KCTD8: variants seen among roughly 807,000 people sequenced by gnomAD.
KCTD8 encodes the protein potassium channel tetramerization domain containing 8.
In KCTD8, 27 loss-of-function variants were observed where a neutral mutation model predicts 31.5. The observed-to-expected ratio is 0.86, with a 90% CI of 0.63 to 1.18. KCTD8 has a LOEUF of 1.18. Among genes scored for constraint, KCTD8 ranks in the 50% most tolerant of loss-of-function variants. The pLI, the probability that KCTD8 is intolerant of heterozygous loss-of-function variation, is 0.00. For missense variants in KCTD8, 658 were observed against 647.7 expected (o/e 1.02, Z -0.17); for synonymous variants, 290 against 280.0 (o/e 1.04, Z -0.36).
At chr4:44,406,277 A>G (rs1192072244) in intron 1 of KCTD8, among the ~76,000 whole-genome samples, 1 of 152,106 alleles carries the variant, frequency 6.6e-6, no homozygotes, top group Non-Finnish European at 1.5e-5. Flanking sequence ...CCAAAGCATA[A>G]TATCATACAT....
intron 1 of KCTD8, among the ~76,000 whole-genome samples, chr4:44,417,461 T>C (rs1356834655): frequency 6.6e-6 from 1 of 152,012 alleles, no homozygotes; most frequent in African/African-American, 2.4e-5. Context: ...TCTAGTAATG[T>C]ACTGGCTCAA....
At chr4:44,355,432 A>T (rs1049504590) in intron 1 of KCTD8, among the ~76,000 whole-genome samples, 1 of 152,130 alleles carries the variant, frequency 6.6e-6, no homozygotes, top group Non-Finnish European at 1.5e-5. Context: ...AACTATGACA[A>T]AGTGTTTTAG....
At chr4:44,403,290 C>A (rs1460546640) in intron 1 of KCTD8, among the ~76,000 whole-genome samples, 1 of 151,972 alleles carries the variant, frequency 6.6e-6, no homozygotes, top group Non-Finnish European at 1.5e-5. Context: ...ACGTTTTATG[C>A]ATCTCAATAA....
intron 1 of KCTD8, among the ~76,000 whole-genome samples, chr4:44,300,133 C>T (rs1349348812): frequency 6.6e-6 from 1 of 152,096 alleles, no homozygotes; most frequent in Non-Finnish European, 1.5e-5. Context: ...AAATAACCTA[C>T]AGAGGTGTAG....
At chr4:44,367,026 C>T (rs1284023413) in intron 1 of KCTD8, among the ~76,000 whole-genome samples, 1 of 152,162 alleles carries the variant, frequency 6.6e-6, no homozygotes, top group Non-Finnish European at 1.5e-5. Flanking sequence ...CACAGTAAGC[C>T]ACATTCTTTG....
chr4:44,281,939 A>G (rs1360217175), intron 1 of KCTD8, among the ~76,000 whole-genome samples: 3 of 152,142 alleles, frequency 2.0e-5, no homozygotes, highest in Non-Finnish European at 2.9e-5. Context: ...TCCCAAAATG[A>G]TGACCTAAAT....
intron 1 of KCTD8, among the ~76,000 whole-genome samples, chr4:44,268,295 CAT>C: frequency 6.6e-6 from 1 of 151,972 alleles, no homozygotes; most frequent in Non-Finnish European, 1.5e-5. Flanking sequence ...ACAAAAACCA[CAT>C]GATTATCTCA....
chr4:44,238,755 A>G (rs1217491740), intron 1 of KCTD8, among the ~76,000 whole-genome samples: 1 of 152,164 alleles, frequency 6.6e-6, no homozygotes, highest in Non-Finnish European at 1.5e-5. Context: ...TTAAAAAGTC[A>G]TATCTGCTGT....
At chr4:44,217,700 C>G (rs559598260) in intron 1 of KCTD8, among the ~76,000 whole-genome samples, 1 of 152,314 alleles carries the variant, frequency 6.6e-6, no homozygotes, top group South Asian at 2.1e-4. Context: ...AGCTAGCTTG[C>G]TGAGTCTTCT....
At chr4:44,187,079 C>T (rs1246022363) in intron 1 of KCTD8, among the ~76,000 whole-genome samples, 1 of 152,128 alleles carries the variant, frequency 6.6e-6, no homozygotes, top group Non-Finnish European at 1.5e-5. Context: ...TAAGAAGAGC[C>T]TCACAGTCTC....
chr4:44,386,009 G>A (rs192236472), intron 1 of KCTD8, among the ~76,000 whole-genome samples: 7 of 151,418 alleles, frequency 4.6e-5, no homozygotes, highest in Admixed American at 2.0e-4. Context: ...GAGGTACCAC[G>A]TCACACCCAT....
chr4:44,405,494 T>C (rs1045003279), intron 1 of KCTD8, among the ~76,000 whole-genome samples: 1 of 152,024 alleles, frequency 6.6e-6, no homozygotes, highest in Non-Finnish European at 1.5e-5. Flanking sequence ...CTTGAGCTCA[T>C]GATGAGCTCG....
chr4:44,426,064 T>C (rs957832678), intron 1 of KCTD8, among the ~76,000 whole-genome samples: 23 of 149,536 alleles, frequency 1.5e-4, no homozygotes, highest in African/African-American at 5.4e-4. Flanking sequence ...TACTAGATAA[T>C]GTATACTAAA....
At chr4:44,264,409 T>C (rs1716272865) in intron 1 of KCTD8, among the ~76,000 whole-genome samples, 1 of 152,176 alleles carries the variant, frequency 6.6e-6, no homozygotes, top group Non-Finnish European at 1.5e-5. Flanking sequence ...GGCAGTTTTC[T>C]AGGCTCATCA....
chr4:44,239,343 T>C (rs1715383279), intron 1 of KCTD8, among the ~76,000 whole-genome samples: 1 of 152,166 alleles, frequency 6.6e-6, no homozygotes, highest in African/African-American at 2.4e-5. Context: ...AATTCCAGCT[T>C]GCCCACTTAC....
intron 1 of KCTD8, among the ~76,000 whole-genome samples, chr4:44,352,509 ATAT>A (rs896497635): frequency 3.4e-5 from 5 of 147,832 alleles, no homozygotes; most frequent in African/African-American, 2.4e-5. Flanking sequence ...TATATATTAA[ATAT>A]TATTTTATAT....
intron 1 of KCTD8, among the ~76,000 whole-genome samples, chr4:44,284,120 A>T (rs1175857829): frequency 6.6e-6 from 1 of 152,184 alleles, no homozygotes; most frequent in Non-Finnish European, 1.5e-5. Context: ...AGAATTCGAA[A>T]AAAAACTACT....
chr4:44,315,150 A>T (rs1322696631), intron 1 of KCTD8, among the ~76,000 whole-genome samples: 1 of 151,846 alleles, frequency 6.6e-6, no homozygotes, highest in East Asian at 1.9e-4. Context: ...TTGGGTTTTC[A>T]CTTTTTAAAA....
chr4:44,299,754 G>T (rs1717550842), intron 1 of KCTD8, among the ~76,000 whole-genome samples: 1 of 145,262 alleles, frequency 6.9e-6, no homozygotes, highest in Non-Finnish European at 1.5e-5. Context: ...TGCCTTAGGT[G>T]ATTTTTTTTT....
Sources: gnomAD v4.1 joint callset for allele counts (sites outside exome capture counted in the v4.1 genomes callset) on GRCh38, gnomAD v4.1.1 for gene constraint, MANE v1.5 for transcripts, NCBI Gene and HGNC (gene_info 2026-07-23, HGNC 2026-07-21) for gene names.